Variants in PLXNA2 observed in about 807,000 individuals in gnomAD.
PLXNA2 encodes the protein plexin A2, also known as plexin-A2.
A neutral mutation model predicts 193.5 loss-of-function variants in PLXNA2; 91 were observed. The ratio of observed to expected loss-of-function variants is 0.47; its 90% CI spans 0.40 to 0.56. PLXNA2 has a LOEUF of 0.56. Ranked by LOEUF, PLXNA2 falls within the 20% of genes least tolerant of loss-of-function variation. The pLI, the probability that PLXNA2 is intolerant of heterozygous loss-of-function variation, is 0.00. For synonymous variants in PLXNA2, 997 were observed against 1,027.3 expected (o/e 0.97, Z 0.56); for missense variants, 1,995 against 2,503.2 (o/e 0.80, Z 4.33).
At chr1:208,136,273 T>C (rs908704442) in intron 4 of PLXNA2, among the ~76,000 whole-genome samples, 2 of 152,210 alleles carry the variant, frequency 1.3e-5, no homozygotes, top group African/African-American at 4.8e-5. Flanking sequence ...CATAATAAAA[T>C]GTGTTTTTAA....
intron 1 of PLXNA2, among the ~76,000 whole-genome samples, chr1:208,224,726 G>A (rs771560184): frequency 2.1e-4 from 32 of 152,066 alleles, no homozygotes; most frequent in Non-Finnish European, 2.4e-4. Flanking sequence ...AGAGAGGGGA[G>A]GAAAATAGGT....
intron 9 of PLXNA2, among the ~76,000 whole-genome samples, chr1:208,086,789 CAAAA>C (rs11355579): frequency 1.6e-5 from 2 of 125,842 alleles, no homozygotes; most frequent in Admixed American, 1.6e-4. Context: ...TATTTATAGC[CAAAA>C]AAAAAAAAAA....
chr1:208,134,114 TC>T (rs1277123139), intron 4 of PLXNA2, among the ~76,000 whole-genome samples: 3 of 152,192 alleles, frequency 2.0e-5, no homozygotes, highest in African/African-American at 7.2e-5. Flanking sequence ...ATCATTTCTT[TC>T]CAAACCAAAG....
chr1:208,066,919 T>C (rs1487482563), intron 12 of PLXNA2, among the ~76,000 whole-genome samples: 2 of 152,166 alleles, frequency 1.3e-5, no homozygotes, highest in African/African-American at 2.4e-5. Context: ...ATTTCAAAAA[T>C]AGAAAAAATA....
chr1:208,161,224 G>C (rs997814215), intron 3 of PLXNA2, among the ~76,000 whole-genome samples: 1 of 152,164 alleles, frequency 6.6e-6, no homozygotes, highest in African/African-American at 2.4e-5. Flanking sequence ...CTTCAATAGA[G>C]AATGCCCCTG....
intron 3 of PLXNA2, among the ~76,000 whole-genome samples, chr1:208,202,114 G>C (rs958562136): frequency 1.3e-5 from 2 of 151,922 alleles, no homozygotes; most frequent in African/African-American, 4.8e-5. Context: ...GAGTAGCTGG[G>C]ATTACAGGCA....
In PLXNA2 at chr1:208,026,086, G is replaced by C. The variant is rs182553183; in HGVS notation, c.*1157C>G. ...GTATTGCTTGCTGTAAACAGTGTTT[G>C]ATTTTTGTTTTCTTTTTAATTGCCA... On this transcript the variant is annotated 3_prime_UTR_variant, in exon 32 of 32. Transcript: ENST00000367033. 1 of 152,772 alleles carries C rather than the reference G, an allele frequency of 6.5e-6. No individual in the cohort carries two copies. The highest frequency in any genetic ancestry group is 2.4e-5 in the African/African-American group (1 of 41,588). 9.5% of individuals were successfully genotyped at this position (152,772 alleles called of 1,614,324 possible). A position where few individuals can be genotyped will look rare whatever the true frequency, so the allele number is the denominator to read the frequency against.
At chr1:208,198,149 T>A (rs1670418792) in intron 3 of PLXNA2, among the ~76,000 whole-genome samples, 1 of 152,202 alleles carries the variant, frequency 6.6e-6, no homozygotes, top group Admixed American at 6.5e-5. Flanking sequence ...TTGATGGAAT[T>A]GCATAAGCCC....
intron 1 of PLXNA2, among the ~76,000 whole-genome samples, chr1:208,243,399 G>A (rs1040801719): frequency 2.0e-5 from 3 of 151,986 alleles, no homozygotes; most frequent in African/African-American, 7.2e-5. Flanking sequence ...GCGGGCTGCC[G>A]GCCGGGAAGC....
chr1:208,194,561 C>A (rs916036147), intron 3 of PLXNA2, among the ~76,000 whole-genome samples: 2 of 151,844 alleles, frequency 1.3e-5, no homozygotes. Context: ...TAAATGCACG[C>A]CACTTTCATC....
chr1:208,098,785 A>G, intron 6 of PLXNA2, 61 bp downstream of exon 6: 1 of 1,568,172 alleles, frequency 6.4e-7, no homozygotes, highest in Admixed American at 1.8e-5. Context: ...TGAATGGAGC[A>G]CACCCACACA....
At chr1:208,134,418 G>A (rs1668245046) in intron 4 of PLXNA2, among the ~76,000 whole-genome samples, 1 of 152,082 alleles carries the variant, frequency 6.6e-6, no homozygotes, top group African/African-American at 2.4e-5. Flanking sequence ...CCTTTCTTTG[G>A]GAAAGGCACT....
Position 208,082,509 on chromosome 1 carries a change from C to G in PLXNA2, c.2299-1G>C, listed in dbSNP as rs1010560114. The G allele has an allele frequency of 6.2e-7, 1 of 1,613,272 alleles. No individual in the cohort carries two copies. Among genetic ancestry groups the G allele is most frequent in the Non-Finnish European group, 8.5e-7 (1 of 1,179,492 alleles). On this transcript the variant is annotated splice_acceptor_variant, in intron 10 of 31. Transcript: ENST00000367033. LOFTEE classifies it high-confidence loss of function. This position sits in a 1 kb window ranked among gnomAD's most constrained non-coding sequence, Gnocchi z 4.2. ...TGATGTCCATGCCATCATACTGGTA[C>G]TATAGGGAGACGGGCAGAGGCATGG...
chr1:208,090,747 C>T (rs1239532158), intron 9 of PLXNA2, among the ~76,000 whole-genome samples: 1 of 152,160 alleles, frequency 6.6e-6, no homozygotes, highest in African/African-American at 2.4e-5. Flanking sequence ...CTCTCTGTGT[C>T]CTGGGGGCCA....
At chr1:208,109,071 T>G (rs2102428134) in intron 4 of PLXNA2, among the ~76,000 whole-genome samples, 1 of 152,336 alleles carries the variant, frequency 6.6e-6, no homozygotes, top group Non-Finnish European at 1.5e-5. Context: ...ACACCTGTCC[T>G]CACACGTGTC....
chr1:208,029,896 G>A (rs1406739943), intron 29 of PLXNA2: 6 of 985,358 alleles, frequency 6.1e-6, no homozygotes, highest in African/African-American at 3.5e-5. Context: ...TGCCTTCTGG[G>A]CTTTAACTCT....
intron 3 of PLXNA2, among the ~76,000 whole-genome samples, chr1:208,192,816 G>A (rs1670224975): frequency 6.6e-6 from 1 of 151,922 alleles, no homozygotes; most frequent in Non-Finnish European, 1.5e-5. Flanking sequence ...GAACCCAGGA[G>A]GTGGAGGGTG....
intron 3 of PLXNA2, among the ~76,000 whole-genome samples, chr1:208,207,358 T>C (rs893073575): frequency 1.3e-5 from 2 of 152,196 alleles, no homozygotes; most frequent in African/African-American, 4.8e-5. Flanking sequence ...CTTCCACATG[T>C]TTGCAGCTCA....
chr1:208,030,909 C>G (rs755433527), intron 29 of PLXNA2: 31 of 985,806 alleles, frequency 3.1e-5, no homozygotes, highest in Non-Finnish European at 3.7e-5. Flanking sequence ...AAGTCTCATA[C>G]CAGGGGCCTG....
Sources: gnomAD v4.1 joint callset for allele counts (sites outside exome capture counted in the v4.1 genomes callset) on GRCh38, gnomAD v4.1.1 for gene constraint, Gnocchi (gnomAD v3.1) non-coding constraint, MANE v1.5 for transcripts, NCBI Gene and HGNC (gene_info 2026-07-23, HGNC 2026-07-21) for gene names.